ARHGAP40: variants seen among roughly 807,000 people sequenced by gnomAD.
ARHGAP40 encodes Rho GTPase activating protein 40, also known as rho GTPase-activating protein 40.
A neutral mutation model predicts 73.5 loss-of-function variants in ARHGAP40; 43 were observed. The ratio of observed to expected loss-of-function variants is 0.58; its 90% CI spans 0.46 to 0.75. The LOEUF is 0.75. Ranked by LOEUF, ARHGAP40 falls within the 30% of genes least tolerant of loss-of-function variation. The pLI, the probability that ARHGAP40 is intolerant of heterozygous loss-of-function variation, is 0.00. For synonymous variants in ARHGAP40, 300 were observed against 352.8 expected (o/e 0.85, Z 1.68); for missense variants, 734 against 861.8 (o/e 0.85, Z 1.86).
At chr20:38,632,260 G>A (rs755117597) in intron 5 of ARHGAP40, among the ~76,000 whole-genome samples, 10 of 140,696 alleles carry the variant, frequency 7.1e-5, no homozygotes, top group East Asian at 4.1e-4. Context: ...CACTGCACCC[G>A]GCCTAAATTT....
At chr20:38,616,150 C>T (rs957865447) in intron 1 of ARHGAP40, among the ~76,000 whole-genome samples, 6 of 152,234 alleles carry the variant, frequency 3.9e-5, no homozygotes, top group African/African-American at 1.4e-4. Flanking sequence ...CACACAGCCA[C>T]TCCCTGATGG....
At chr20:38,625,627 C>T (rs899482144) in intron 2 of ARHGAP40, among the ~76,000 whole-genome samples, 11 of 152,254 alleles carry the variant, frequency 7.2e-5, no homozygotes, top group Admixed American at 1.3e-4. Flanking sequence ...CCATGTTGGC[C>T]GGGCTGGTCT....
chr20:38,645,961 A>G, intron 11 of ARHGAP40, 86 bp from the exon 12 acceptor site: 1 of 1,147,772 alleles, frequency 8.7e-7, no homozygotes, highest in East Asian at 6.5e-5. Context: ...GGGCCAGGGA[A>G]GAGGCCACGA....
chr20:38,629,010 G>T lies in ARHGAP40; in HGVS notation c.634+8G>T, dbSNP rs2088920672. ...CCTCTAAGTTTCCTCCAGGTAAGTG[G>T]TCTTCATTCTCCAGGGCCCTGAGAA... is the stretch of plus-strand genomic sequence containing the variant. On this transcript the variant is annotated splice_region_variant and intron_variant, in intron 4 of 14. Coordinates refer to ENST00000373345, the Ensembl canonical transcript of ARHGAP40. 7.7e-7 allele frequency: 1 copy of T among 1,304,106 alleles called. No homozygotes were observed. The highest frequency in any genetic ancestry group is 1.0e-6 in the Non-Finnish European group (1 of 988,512). 80.8% of individuals were successfully genotyped at this position (1,304,106 alleles called of 1,614,324 possible).
chr20:38,647,125 C>T, exon 13 of ARHGAP40: 2 of 1,303,462 alleles, frequency 1.5e-6, no homozygotes, highest in South Asian at 1.2e-5. Context: ...CCTCCTTCTA[C>T]AGTAAGAGGC....
intron 8 of ARHGAP40, 96 bp from the exon 9 acceptor site, chr20:38,639,131 C>A: frequency 8.2e-7 from 1 of 1,218,960 alleles, no homozygotes; most frequent in Non-Finnish European, 1.1e-6. Flanking sequence ...GTTGTCCCCA[C>A]TTTGCAGATG....
At chr20:38,644,322 C>T (rs954833679) in intron 11 of ARHGAP40, among the ~76,000 whole-genome samples, 1 of 152,050 alleles carries the variant, frequency 6.6e-6, no homozygotes, top group African/African-American at 2.4e-5. Context: ...TGAGCTTTGC[C>T]CTGAGTAACA....
Position 38,646,958 on chromosome 20 carries a change from C to A in ARHGAP40, c.1712C>A (p.Thr571Asn), listed in dbSNP as rs772132046. ...ATCTTTCTCTCTCTCTCTCTGCAGACTCCCAAGGTGGCAAAGATCCAGGTG... is the reference window on the plus strand; with the variant it reads ...ATCTTTCTCTCTCTCTCTCTGCAGAATCCCAAGGTGGCAAAGATCCAGGTG... Residue 571 changes from threonine to asparagine, a missense_variant and splice_region_variant, in exon 13 of 15, where the codon ACT becomes AAT. Thr to Asn is a moderately conservative substitution (Grantham distance 65, BLOSUM62 0). Transcript: ENST00000373345. This position sits in a 1 kb window ranked among gnomAD's most constrained non-coding sequence, Gnocchi z 4.5. 7.7e-7 allele frequency: 1 copy of A among 1,304,916 alleles called. No individual in the cohort carries two copies. Among genetic ancestry groups the A allele is most frequent in the South Asian group, 1.2e-5 (1 of 80,974 alleles). 80.8% of individuals were successfully genotyped at this position (1,304,916 alleles called of 1,614,324 possible). A position where few individuals can be genotyped will look rare whatever the true frequency, so the allele number is the denominator to read the frequency against.
intron 1 of ARHGAP40, among the ~76,000 whole-genome samples, chr20:38,608,969 T>A (rs1158630641): frequency 1.3e-5 from 2 of 152,078 alleles, no homozygotes; most frequent in African/African-American, 4.8e-5. Context: ...ATCTCTCTGG[T>A]TTTCACTCTT....
At chr20:38,640,352 G>C (rs2145612505) in intron 9 of ARHGAP40, among the ~76,000 whole-genome samples, 1 of 151,634 alleles carries the variant, frequency 6.6e-6, no homozygotes, top group Non-Finnish European at 1.5e-5. Flanking sequence ...AAGTAGCTAA[G>C]AATATAGGCA....
chr20:38,626,878 GAT>G, intron 2 of ARHGAP40, 115 bp from the exon 3 acceptor site: 7 of 744,658 alleles, frequency 9.4e-6, no homozygotes, highest in Non-Finnish European at 1.4e-5. Flanking sequence ...CTCACGATCA[GAT>G]ATGCAGAAAC....
exon 13 of ARHGAP40, chr20:38,647,010 G>A (rs764709252): frequency 7.7e-7 from 1 of 1,305,508 alleles, no homozygotes; most frequent in South Asian, 1.2e-5. Context: ...ACCCCTTGAA[G>A]GTGCCTCTCA....
intron 1 of ARHGAP40, among the ~76,000 whole-genome samples, chr20:38,606,786 C>T (rs567918551): frequency 6.6e-6 from 1 of 152,342 alleles, no homozygotes; most frequent in East Asian, 1.9e-4. Flanking sequence ...GCTCAAGTCT[C>T]TGCCACTGGG....
intron 1 of ARHGAP40, among the ~76,000 whole-genome samples, chr20:38,616,098 T>G (rs1177064086): frequency 6.6e-6 from 1 of 152,192 alleles, no homozygotes; most frequent in Non-Finnish European, 1.5e-5. Context: ...CCAGGCACAT[T>G]GCATACCTGG....
At chr20:38,626,884 C>T in intron 2 of ARHGAP40, 111 bp from the exon 3 acceptor site, 2 of 811,794 alleles carry the variant, frequency 2.5e-6, no homozygotes, top group Non-Finnish European at 3.5e-6. Context: ...ATCAGATATG[C>T]AGAAACTCCT....
intron 1 of ARHGAP40, among the ~76,000 whole-genome samples, chr20:38,620,530 A>T (rs753054087): frequency 7.2e-5 from 11 of 152,202 alleles, no homozygotes; most frequent in Non-Finnish European, 1.6e-4. Context: ...TTGTCACGAA[A>T]ACACACAGAT....
chr20:38,641,893 C>A, intron 10 of ARHGAP40, 85 bp downstream of exon 10: 1 of 1,039,580 alleles, frequency 9.6e-7, no homozygotes, highest in Non-Finnish European at 1.3e-6. Flanking sequence ...TTCATTCATT[C>A]ATTCATTCAA....
At chr20:38,630,227 T>C (rs1601143510) in intron 5 of ARHGAP40, among the ~76,000 whole-genome samples, 1 of 148,506 alleles carries the variant, frequency 6.7e-6, no homozygotes. Context: ...TTCCTTCTTT[T>C]TTTTTTCTTT....
At chr20:38,632,518 C>T (rs2088947574) in intron 5 of ARHGAP40, among the ~76,000 whole-genome samples, 6 of 152,102 alleles carry the variant, frequency 3.9e-5, no homozygotes, top group Admixed American at 6.5e-5. Context: ...GCCTCGGCCT[C>T]CCAAAGTGCT....
Sources: allele counts gnomAD v4.1 joint callset (sites outside exome capture counted in the v4.1 genomes callset), GRCh38; gene constraint gnomAD v4.1.1; non-coding constraint Gnocchi (gnomAD v3.1); transcripts MANE v1.5; gene names NCBI Gene and HGNC (gene_info 2026-07-23, HGNC 2026-07-21).